Variants in LMF1 observed in about 807,000 individuals in gnomAD.
The protein encoded by LMF1 is transmembrane protein 112.
LMF1 carries 68 observed loss-of-function variants against 60.6 expected under a neutral mutation model. That is an observed-to-expected ratio of 1.12 (90% CI 0.92 to 1.37). The LOEUF is 1.37. Among genes scored for constraint, LMF1 ranks in the 40% most tolerant of loss-of-function variants. The probability of loss-of-function intolerance (pLI) is 0.00; values close to 1 mark genes in which losing one functional copy is unlikely to be tolerated. For missense variants in LMF1, 948 were observed against 767.2 expected, an observed-to-expected ratio of 1.24 and a Z score of -2.78; for synonymous variants, 418 against 324.7, an observed-to-expected ratio of 1.29 and a Z score of -3.09.
chr16:910,092 C>T lies in LMF1; in HGVS notation c.663+839G>A, dbSNP rs7199351. Among the ~76,000 whole-genome samples the T allele has an allele frequency of 1.6e-3, 239 of 152,336 alleles. 2 individuals are homozygous for T. The highest frequency in any genetic ancestry group is 5.4e-3 in the African/African-American group (225 of 41,574). ...AAATGAAAATCTTACTACCAAACCA[C>T]GTGAAGCGGAAGAGCAGGTGAGAGC... On this transcript the variant is annotated intron_variant, in intron 4 of 10. Transcript: ENST00000262301.
At chr16:954,151 G>C (rs1162179424) in intron 2 of LMF1, 12 of 693,426 alleles carry the variant, frequency 1.7e-5, no homozygotes, top group Non-Finnish European at 2.9e-5. Flanking sequence ...CTACTGCAAA[G>C]AGGTGGGGTT....
rs2071902686 is a variant in LMF1, at chr16:935,098, G to A, written c.504-844C>T. On this transcript the variant is annotated intron_variant, in intron 2 of 10. Coordinates refer to ENST00000262301, the MANE Select transcript of LMF1 (RefSeq NM_022773.4). ...AGATTGCCAGGTTTATCCTGGGGTT[G>A]ATCAGAATTTTTTTTTTTTTTTGAG... 2.0e-5 allele frequency among the ~76,000 whole-genome samples: 3 copies of A among 151,232 alleles called. No individual in the cohort carries two copies. In the South Asian group the frequency reaches 6.3e-4, roughly 32 times the overall value.
chr16:898,123 C>T (rs74004018), intron 4 of LMF1, among the ~76,000 whole-genome samples: 1 of 152,240 alleles, frequency 6.6e-6, no homozygotes, highest in African/African-American at 2.4e-5. Context: ...GACCCAGGTC[C>T]CCCGTGGCTT....
intron 1 of LMF1, among the ~76,000 whole-genome samples, chr16:967,247 A>G (rs1187386164): frequency 6.6e-6 from 1 of 152,176 alleles, no homozygotes; most frequent in Non-Finnish European, 1.5e-5. Flanking sequence ...GCTCCAGACC[A>G]GCTGTTTGCC....
At chr16:858,412 A>T (rs369952494) in intron 10 of LMF1, among the ~76,000 whole-genome samples, 38 of 11,590 alleles carry the variant, frequency 3.3e-3, no homozygotes, top group African/African-American at 7.1e-3. Flanking sequence ...GAGTGGTGTC[A>T]CGGGACGGGT....
intron 10 of LMF1, among the ~76,000 whole-genome samples, chr16:856,363 GACGGGCTGGAA>G (rs1242355440): frequency 3.3e-5 from 5 of 152,226 alleles, no homozygotes; most frequent in African/African-American, 1.2e-4. Context: ...AGACTGAAGG[GACGGGCTGGAA>G]TGCGGCCGTG....
chr16:976,347 G>A (rs1350057237), intron 1 of LMF1: 1 of 454,128 alleles, frequency 2.2e-6, no homozygotes, highest in Non-Finnish European at 4.4e-6. Flanking sequence ...GCTGCGATCT[G>A]TAGTCCAGGT....
intron 1 of LMF1, among the ~76,000 whole-genome samples, chr16:967,153 G>C (rs1213025497): frequency 6.6e-6 from 1 of 152,206 alleles, no homozygotes; most frequent in Non-Finnish European, 1.5e-5. Context: ...AGCCCCAGCT[G>C]CCTGTGGCCG....
chr16:948,315 G>A (rs1259114549), intron 2 of LMF1, among the ~76,000 whole-genome samples: 2 of 147,586 alleles, frequency 1.4e-5, no homozygotes, highest in Admixed American at 6.8e-5. Context: ...GTCAGCCAAC[G>A]ACAGAGTCAG....
intron 2 of LMF1, among the ~76,000 whole-genome samples, chr16:951,166 G>A (rs1021515648): frequency 6.0e-5 from 9 of 151,032 alleles, no homozygotes; most frequent in African/African-American, 2.0e-4. Flanking sequence ...CAGAGCCAAC[G>A]ACAGAGTCAG....
At position 855,270 on chromosome 16, in the gene LMF1, A is replaced by AC. The variant is rs551286328; in HGVS notation, c.1530-565dup. The AC allele has an allele frequency of 2.3e-3, 567 of 247,026 alleles. 2 individuals are homozygous for AC. The highest frequency in any genetic ancestry group is 0.012 in the African/African-American group (510 of 44,196). The allele number at this position is 247,026 out of a possible 1,614,324, so 15.3% of individuals were successfully genotyped here. ...GGCTTCAGGCCCTTCCCTGCCTGAG[A>AC]CGTGCAGATGCTGGCTGGCTGCTCT... is the stretch of plus-strand genomic sequence containing the variant. On this transcript the variant is annotated intron_variant, in intron 10 of 10. Transcript: ENST00000262301.
At chr16:928,088 G>A (rs576755753) in intron 3 of LMF1, among the ~76,000 whole-genome samples, 6 of 152,302 alleles carry the variant, frequency 3.9e-5, no homozygotes, top group South Asian at 4.1e-4. Flanking sequence ...CCTGGGCCGC[G>A]GCCCCACACA....
chr16:941,524 G>C (rs1422364554), intron 2 of LMF1, among the ~76,000 whole-genome samples: 1 of 152,182 alleles, frequency 6.6e-6, no homozygotes, highest in East Asian at 1.9e-4. Context: ...TGCCTGGCCT[G>C]ATTCTAAATC....
chr16:880,787 C>T (rs1169099506), intron 5 of LMF1, among the ~76,000 whole-genome samples: 5 of 152,256 alleles, frequency 3.3e-5, no homozygotes, highest in South Asian at 4.1e-4. Flanking sequence ...CCCCCAACAA[C>T]GGGATCCAGA....
chr16:955,695 G>A (rs1352970395), intron 1 of LMF1, among the ~76,000 whole-genome samples: 7 of 152,258 alleles, frequency 4.6e-5, no homozygotes, highest in South Asian at 2.1e-4. Flanking sequence ...GTGTATACAC[G>A]CACACACATA....
chr16:915,769 G>A (rs1335460552), intron 3 of LMF1, among the ~76,000 whole-genome samples: 5 of 152,248 alleles, frequency 3.3e-5, no homozygotes, highest in East Asian at 3.9e-4. Context: ...CGAGAGACAC[G>A]CAGGGTGGGG....
chr16:890,401 C>T (rs2070448255), intron 5 of LMF1, among the ~76,000 whole-genome samples: 1 of 152,212 alleles, frequency 6.6e-6, no homozygotes, highest in African/African-American at 2.4e-5. Context: ...GGACAGCCTC[C>T]ACAGCTGGAA....
rs111468164 is a variant in LMF1, at chr16:868,925, G to A, written c.1529+19C>T. The A allele has an allele frequency of 1.2e-5, 18 of 1,489,732 alleles. No individual in the cohort carries two copies. Among genetic ancestry groups the A allele is most frequent in the Admixed American group, 5.0e-5 (3 of 59,792 alleles). The allele number at this position is 1,489,732 out of a possible 1,614,324, so 92.3% of individuals were successfully genotyped here. Reference sequence around the variant, plus strand: ...GATTTGGGGGAGACCCCTGAGCAGCGGCAGGGAGGGCATCCTACCTGGGCG... The same window carrying A: ...GATTTGGGGGAGACCCCTGAGCAGCAGCAGGGAGGGCATCCTACCTGGGCG... On this transcript the variant is annotated intron_variant, in intron 10 of 10. Coordinates refer to ENST00000262301, the MANE Select transcript of LMF1 (RefSeq NM_022773.4).
At chr16:921,978 C>T (rs746906062) in intron 3 of LMF1, among the ~76,000 whole-genome samples, 1 of 152,118 alleles carries the variant, frequency 6.6e-6, no homozygotes, top group Non-Finnish European at 1.5e-5. Flanking sequence ...AAGGTCTGGG[C>T]GGAACATTAA....
Sources: gnomAD v4.1 joint callset for allele counts (sites outside exome capture counted in the v4.1 genomes callset) on GRCh38, gnomAD v4.1.1 for gene constraint, MANE v1.5 for transcripts, NCBI Gene and HGNC (gene_info 2026-07-23, HGNC 2026-07-21) for gene names.